Variants in SFTPB observed in about 807,000 individuals in gnomAD.
The protein encoded by SFTPB is pulmonary surfactant-associated protein B.
Under a neutral mutation model 51.0 loss-of-function variants are expected in SFTPB, and 32 were observed. The observed-to-expected ratio is 0.63, with a 90% confidence interval of 0.47 to 0.84. SFTPB has a LOEUF of 0.84. Among genes scored for constraint, SFTPB ranks in the 40% least tolerant of loss-of-function variants. SFTPB has a pLI of 0.00. For synonymous variants in SFTPB, 211 were observed against 208.5 expected, an observed-to-expected ratio of 1.01 and a Z score of -0.10; for missense variants, 431 against 491.2, an observed-to-expected ratio of 0.88 and a Z score of 1.16.
intron 10 of SFTPB, 88 bp from the exon 11 acceptor site, chr2:85,659,770 C>T (rs1171974506): frequency 1.3e-5 from 2 of 152,456 alleles, no homozygotes; most frequent in Non-Finnish European, 2.9e-5. Flanking sequence ...GTTTGAAGCC[C>T]AGGCCTCCCA....
rs1488059090 is a variant in SFTPB, at chr2:85,658,698, A to AT, written c.*1003dup. 1.3e-5 allele frequency: 2 copies of AT among 151,760 alleles called. No individual in the cohort carries two copies. The highest frequency in any genetic ancestry group is 6.6e-5 in the Admixed American group (1 of 15,226). The allele number at this position is 151,760 out of a possible 1,614,324, so 9.4% of individuals were successfully genotyped here. A position where few individuals can be genotyped will look rare whatever the true frequency, so the allele number is the denominator to read the frequency against. ...CCACCACACTTGGCTAATTTTTTGTATTTTTAGTAGAAATGGGGTTTCACC... is the reference window on the plus strand; with the variant it reads ...CCACCACACTTGGCTAATTTTTTGTATTTTTTAGTAGAAATGGGGTTTCACC... On this transcript the variant is annotated 3_prime_UTR_variant, in exon 11 of 11. Transcript: ENST00000519937.
Position 85,665,909 on chromosome 2 carries a change from GTGC to G in SFTPB, c.394-118_394-116del, listed in dbSNP as rs550061649. 198 of 977,800 alleles carry G rather than the reference GTGC, an allele frequency of 2.0e-4. 3 individuals carry two copies. In the South Asian group the frequency reaches 2.8e-3, roughly 14 times the overall value. 60.6% of individuals were successfully genotyped at this position (977,800 alleles called of 1,614,324 possible). ...ATGGGAGGAAGCAGGCCTAGTGGGG[GTGC>G]TGTGGTTTAGAACTCTATGTGGGGG... On this transcript the variant is annotated intron_variant, in intron 4 of 10. Coordinates refer to ENST00000519937, the MANE Select transcript of SFTPB (RefSeq NM_000542.5).
chr2:85,659,981 GGC>G (rs1157837575), intron 10 of SFTPB, among the ~76,000 whole-genome samples: 3 of 152,120 alleles, frequency 2.0e-5, no homozygotes, highest in African/African-American at 7.2e-5. Flanking sequence ...CTCCCACAGG[GGC>G]TTGTGATGCA....
chr2:85,665,255 G>T (rs767460921), intron 6 of SFTPB, 34 bp downstream of exon 6: 27 of 1,476,396 alleles, frequency 1.8e-5, no homozygotes, highest in Non-Finnish European at 2.5e-5. Flanking sequence ...GTATGCGTGT[G>T]CTCCTGGGCT....
At chr2:85,660,288 A>AT (rs60518418) in intron 10 of SFTPB, among the ~76,000 whole-genome samples, 21,550 of 80,526 alleles carry the variant, frequency 0.27, 4,356 homozygotes, top group Non-Finnish European at 0.29. Context: ...CATCTGGCTA[A>AT]TTTTTTTTTT....
intron 8 of SFTPB, among the ~76,000 whole-genome samples, chr2:85,662,612 G>A (rs1677363838): frequency 6.6e-6 from 1 of 152,010 alleles, no homozygotes; most frequent in East Asian, 1.9e-4. Flanking sequence ...AGGCCAAGGC[G>A]GGCAGATCAC....
rs45505791 is a variant in SFTPB at position 85,665,642 on chromosome 2, G to A, written c.546C>T (p.Pro182=). 47 of 1,614,068 alleles carry A rather than the reference G, an allele frequency of 2.9e-5. No individual in the cohort carries two copies. Among genetic ancestry groups the A allele is most frequent in the African/African-American group, 2.0e-4 (15 of 75,046 alleles). ...GCCCAGGCCTCGCCTGGAGGGCCCC[G>A]GGCAGCACAGGGAGGACGAGCTTGT... ...LLDKLVLPVL[P]GALQARPGPH... Residue 182 remains proline (P), a synonymous_variant, in exon 5 of 11, where the codon CCC becomes CCT. Coordinates refer to ENST00000519937, the MANE Select transcript of SFTPB (RefSeq NM_000542.5).
intron 4 of SFTPB, chr2:85,666,400 T>G (rs1677617307): frequency 3.8e-6 from 2 of 529,216 alleles, no homozygotes; most frequent in Non-Finnish European, 6.9e-6. Context: ...ACTGTGTGTG[T>G]GTGTGTCCGG....
intron 9 of SFTPB, 46 bp from the exon 10 acceptor site, chr2:85,661,581 T>A: frequency 6.7e-7 from 1 of 1,493,682 alleles, no homozygotes. Context: ...CCCCCTCAGC[T>A]CCCCACACCC....
intron 10 of SFTPB, among the ~76,000 whole-genome samples, chr2:85,660,087 A>C (rs1677209474): frequency 6.7e-6 from 1 of 149,152 alleles, no homozygotes; most frequent in African/African-American, 2.5e-5. Flanking sequence ...CATAGCCCCT[A>C]CCCTAGGATG....
Position 85,668,154 on chromosome 2 carries a change from C to A in SFTPB, c.30G>T (p.Leu10=). The change falls in exon 1 of 11, where the codon CTG becomes CTT. Residue 10 remains leucine (L), a synonymous_variant. Transcript: ENST00000519937. MAESHLLQW[L]LLLLPTLCGP... The stretch of plus-strand genomic sequence containing the variant: ...CACAGAGCGTGGGCAGCAGCAGCAG[C>A]AGCCACTGCAGCAGGTGTGACTCAG... The A allele has an allele frequency of 6.4e-7, 1 of 1,551,504 alleles. No homozygotes were observed.
At chr2:85,661,635 G>T (rs1677304332) in intron 9 of SFTPB, 100 bp from the exon 10 acceptor site, 2 of 989,928 alleles carry the variant, frequency 2.0e-6, no homozygotes, top group Non-Finnish European at 3.1e-6. Flanking sequence ...CTCCCGCCTA[G>T]TGGGTGCTAC....
upstream of SFTPB, chr2:85,668,387 C>A (rs1677763875): frequency 1.6e-6 from 1 of 615,460 alleles, no homozygotes. Context: ...TTCCTGCCTC[C>A]TTTGCCCCCT....
At chr2:85,665,057 C>T (rs1013013516) in intron 6 of SFTPB, among the ~76,000 whole-genome samples, 12 of 152,194 alleles carry the variant, frequency 7.9e-5, no homozygotes, top group African/African-American at 2.9e-4. Context: ...CACCTCCATA[C>T]AGTGGGGGCT....
At chr2:85,667,312 C>T (rs1677700658) in intron 2 of SFTPB, 135 bp from the exon 3 acceptor site, 1 of 721,360 alleles carries the variant, frequency 1.4e-6, no homozygotes, top group Non-Finnish European at 2.5e-6. Flanking sequence ...CCAACTTGTC[C>T]CATCTCATCC....
intron 8 of SFTPB, chr2:85,662,313 G>A (rs1018011817): frequency 2.2e-5 from 31 of 1,424,080 alleles, no homozygotes; most frequent in Non-Finnish European, 2.7e-5. Flanking sequence ...AAAAGCAGGC[G>A]ACACTGGAGA....
chr2:85,664,379 G>A (rs1241462768), intron 6 of SFTPB, among the ~76,000 whole-genome samples: 1 of 152,076 alleles, frequency 6.6e-6, no homozygotes, highest in Non-Finnish European at 1.5e-5. Context: ...ATAGCAGTGG[G>A]CCCACCTCCC....
At chr2:85,666,221 G>C (rs1471682285) in intron 4 of SFTPB, among the ~76,000 whole-genome samples, 26 of 136,736 alleles carry the variant, frequency 1.9e-4, no homozygotes, top group Admixed American at 5.0e-4. Context: ...TGTGCTGTGT[G>C]TGTGTGTGTG....
chr2:85,664,469 C>CT (rs1426247714), intron 6 of SFTPB, among the ~76,000 whole-genome samples: 3 of 152,124 alleles, frequency 2.0e-5, no homozygotes, highest in Non-Finnish European at 2.9e-5. Context: ...ATCTTTCCTT[C>CT]TTTCTTTTTT....
Sources: gnomAD v4.1 joint callset for allele counts (sites outside exome capture counted in the v4.1 genomes callset) on GRCh38, gnomAD v4.1.1 for gene constraint, MANE v1.5 for transcripts, NCBI Gene and HGNC (gene_info 2026-07-23, HGNC 2026-07-21) for gene names.